The following L3MBTL4 variants were observed in gnomAD, a reference collection of about 807,000 sequenced individuals.
L3MBTL4 encodes the protein L3MBTL histone methyl-lysine binding protein 4.
L3MBTL4 carries 70 observed loss-of-function variants against 84.5 expected under a neutral mutation model. The observed-to-expected ratio is 0.83, with a 90% CI of 0.68 to 1.01. L3MBTL4 has a LOEUF of 1.01. Ranked by LOEUF, L3MBTL4 falls within the 50% of genes least tolerant of loss-of-function variation. The pLI is 0.00. For missense variants in L3MBTL4, 715 were observed against 754.8 expected (o/e 0.95, Z 0.62); for synonymous variants, 274 against 259.8 (o/e 1.05, Z -0.52).
intron 3 of L3MBTL4, among the ~76,000 whole-genome samples, chr18:6,306,971 G>A (rs1019775366): frequency 7.9e-5 from 12 of 152,026 alleles, no homozygotes; most frequent in Non-Finnish European, 1.3e-4. Context: ...ACATCTGCTC[G>A]AATCAGATAA....
chr18:6,022,668 G>T (rs762765933), intron 16 of L3MBTL4, among the ~76,000 whole-genome samples: 12 of 152,192 alleles, frequency 7.9e-5, no homozygotes, highest in South Asian at 2.1e-4. Flanking sequence ...TCTGTAAGGT[G>T]TATATTTTAA....
At chr18:6,253,007 T>G (rs539967372) in intron 5 of L3MBTL4, among the ~76,000 whole-genome samples, 107 of 152,192 alleles carry the variant, frequency 7.0e-4, no homozygotes, top group African/African-American at 2.5e-3. Context: ...ATCAAGACCA[T>G]CCTGGCCAAC....
chr18:6,157,850 GA>G (rs1397164366), intron 13 of L3MBTL4, among the ~76,000 whole-genome samples: 8 of 152,132 alleles, frequency 5.3e-5, no homozygotes, highest in Non-Finnish European at 1.2e-4. Flanking sequence ...AGAAGCTAAA[GA>G]AAGAACAATG....
At chr18:6,234,407 A>G (rs2047129310) in intron 10 of L3MBTL4, among the ~76,000 whole-genome samples, 1 of 152,244 alleles carries the variant, frequency 6.6e-6, no homozygotes, top group South Asian at 2.1e-4. Flanking sequence ...AAATGTTTGC[A>G]ATCTACTCAT....
At chr18:6,082,805 T>C (rs1413717200) in intron 15 of L3MBTL4, among the ~76,000 whole-genome samples, 1 of 152,174 alleles carries the variant, frequency 6.6e-6, no homozygotes, top group African/African-American at 2.4e-5. Flanking sequence ...TATATTTCAG[T>C]ATAGTCTTGC....
At chr18:6,213,502 T>G (rs956092931) in intron 11 of L3MBTL4, among the ~76,000 whole-genome samples, 3 of 152,254 alleles carry the variant, frequency 2.0e-5, no homozygotes, top group African/African-American at 7.2e-5. Flanking sequence ...AACCTCCACC[T>G]TCCGGGTTCA....
At chr18:6,035,210 T>A (rs1338767773) in intron 16 of L3MBTL4, among the ~76,000 whole-genome samples, 1 of 150,862 alleles carries the variant, frequency 6.6e-6, no homozygotes, top group Admixed American at 6.6e-5. Flanking sequence ...GTTTTAGACA[T>A]GAAGTCCTTG....
At chr18:6,159,761 T>C (rs2043246620) in intron 13 of L3MBTL4, among the ~76,000 whole-genome samples, 1 of 152,190 alleles carries the variant, frequency 6.6e-6, no homozygotes, top group African/African-American at 2.4e-5. Context: ...AAACACTTTA[T>C]ATATACCCTG....
chr18:6,411,123 C>A (rs1283818031), intron 1 of L3MBTL4, among the ~76,000 whole-genome samples: 1 of 152,174 alleles, frequency 6.6e-6, no homozygotes, highest in African/African-American at 2.4e-5. Flanking sequence ...AATGCTTAAA[C>A]AAAAGATTAT....
rs191903419 is a variant in L3MBTL4 at position 6,102,948 on chromosome 18, T to C, written c.1200-9420A>G. 2.2e-3 allele frequency among the ~76,000 whole-genome samples: 330 copies of C among 151,830 alleles called. 1 individual carries two copies. Among genetic ancestry groups the C allele is most frequent in the African/African-American group, 7.4e-3 (307 of 41,428 alleles). ...GTGAAGGTGAAAGAGAGAGCGAGAG[T>C]GTGTGTGTGTATACTACCCTTCCTC... On this transcript the variant is annotated intron_variant, in intron 14 of 18. Coordinates refer to ENST00000317931, the MANE Select transcript of L3MBTL4 (RefSeq NM_001330559.2).
intron 16 of L3MBTL4, among the ~76,000 whole-genome samples, chr18:6,024,119 C>T (rs1192567474): frequency 1.3e-5 from 2 of 152,106 alleles, no homozygotes; most frequent in African/African-American, 2.4e-5. Flanking sequence ...TCAGGTGATC[C>T]GCCCGCCTCA....
chr18:6,413,480 G>A (rs1325545558), intron 1 of L3MBTL4, among the ~76,000 whole-genome samples: 1 of 151,824 alleles, frequency 6.6e-6, no homozygotes, highest in Non-Finnish European at 1.5e-5. Context: ...GTAATATAAG[G>A]AATGCATTCC....
chr18:6,344,373 C>A (rs1320689748), intron 1 of L3MBTL4, among the ~76,000 whole-genome samples: 4 of 152,070 alleles, frequency 2.6e-5, no homozygotes. Context: ...GAACAAAGAA[C>A]AAGTAATATT....
chr18:6,413,153 C>T (rs1228918009), intron 1 of L3MBTL4, among the ~76,000 whole-genome samples: 2 of 152,168 alleles, frequency 1.3e-5, no homozygotes, highest in South Asian at 2.1e-4. Flanking sequence ...TTACCTCTGT[C>T]TTCACCAGAT....
chr18:5,962,151 C>A (rs1182128339), intron 17 of L3MBTL4, among the ~76,000 whole-genome samples: 2 of 152,122 alleles, frequency 1.3e-5, no homozygotes, highest in Admixed American at 6.5e-5. Context: ...CTGACCACAA[C>A]ATGTGTTCAA....
At chr18:6,405,093 C>T (rs998054827) in intron 1 of L3MBTL4, among the ~76,000 whole-genome samples, 2 of 152,192 alleles carry the variant, frequency 1.3e-5, no homozygotes, top group African/African-American at 4.8e-5. Flanking sequence ...CAAAGGCATA[C>T]ATGTTTTGGT....
At position 5,954,920 on chromosome 18, in the gene L3MBTL4, T is replaced by TGCATA. The variant is rs2095218567; in HGVS notation, c.*1299_*1300insTATGC. ...TGTTATATATGCACACCTCTTAGAG[T>TGCATA]TTGTTTATTTTCTTCAGTGAAAAAA... On this transcript the variant is annotated 3_prime_UTR_variant, in exon 19 of 19. Transcript: ENST00000317931. 6.6e-6 allele frequency: 1 copy of TGCATA among 152,018 alleles called. No individual in the cohort carries two copies. 9.4% of individuals were successfully genotyped at this position (152,018 alleles called of 1,614,324 possible).
At chr18:6,199,119 A>G (rs1482222314) in intron 12 of L3MBTL4, among the ~76,000 whole-genome samples, 1 of 152,248 alleles carries the variant, frequency 6.6e-6, no homozygotes. Flanking sequence ...TGACCTAAAG[A>G]GACAAGTTGA....
chr18:6,307,412 G>C (rs1038937077), intron 3 of L3MBTL4, among the ~76,000 whole-genome samples: 1 of 146,870 alleles, frequency 6.8e-6, no homozygotes, highest in Non-Finnish European at 1.5e-5. Context: ...ACTCCAGCCT[G>C]GTGACAGAGC....
Sources: gnomAD v4.1 joint callset for allele counts (sites outside exome capture counted in the v4.1 genomes callset) on GRCh38, gnomAD v4.1.1 for gene constraint, MANE v1.5 for transcripts, NCBI Gene and HGNC (gene_info 2026-07-23, HGNC 2026-07-21) for gene names.